The following PSME4 variants were observed in gnomAD, a reference collection of about 807,000 sequenced individuals.
PSME4 encodes the protein proteasome activator subunit 4, also known as proteasome activator complex subunit 4.
In PSME4, 89 loss-of-function variants were observed where a neutral mutation model predicts 253.9. The ratio of observed to expected loss-of-function variants is 0.35; its 90% CI spans 0.30 to 0.42. The LOEUF is 0.42. Among genes scored for constraint, PSME4 ranks in the 10% least tolerant of loss-of-function variants. The pLI is 1.00. For synonymous variants in PSME4, 851 were observed against 759.2 expected (o/e 1.12, Z -1.99); for missense variants, 2,014 against 2,195.2 (o/e 0.92, Z 1.65).
chr2:53,962,121 G>T lies in PSME4; in HGVS notation c.242+8422C>A, dbSNP rs149652559. 5.5e-3 allele frequency among the ~76,000 whole-genome samples: 838 copies of T among 152,324 alleles called. 9 individuals carry two copies. The highest frequency in any genetic ancestry group is 0.019 in the African/African-American group (797 of 41,560). ...CAAATATTTAGGCTAAATTGTGGGA[G>T]CTAAGAACATAAAGTACATTGATTT... On this transcript the variant is annotated intron_variant, in intron 1 of 46. Transcript: ENST00000404125.
At chr2:53,940,230 GA>G (rs1339492120) in intron 3 of PSME4, among the ~76,000 whole-genome samples, 1 of 151,742 alleles carries the variant, frequency 6.6e-6, no homozygotes, top group Non-Finnish European at 1.5e-5. Context: ...GAACTAAAGG[GA>G]AAAAAAGGTT....
At chr2:53,892,699 C>A in intron 36 of PSME4, 109 bp downstream of exon 36, 1 of 1,023,272 alleles carries the variant, frequency 9.8e-7, no homozygotes, top group Non-Finnish European at 1.4e-6. Context: ...TTTCATATCA[C>A]TGAAGATTTC....
intron 41 of PSME4, among the ~76,000 whole-genome samples, chr2:53,877,956 C>T (rs1679211538): frequency 6.6e-6 from 1 of 151,910 alleles, no homozygotes; most frequent in South Asian, 2.1e-4. Context: ...TATATGTTTC[C>T]ACCTGTTCTA....
At chr2:53,867,646 G>A (rs113757070) in intron 44 of PSME4, among the ~76,000 whole-genome samples, 185 of 148,962 alleles carry the variant, frequency 1.2e-3, no homozygotes, top group African/African-American at 4.4e-3. Context: ...CTCCAAGGAG[G>A]GCGATAGAGG....
intron 11 of PSME4, 65 bp downstream of exon 11, chr2:53,928,052 T>TGACTGTCTCCAAA: frequency 7.7e-7 from 1 of 1,302,920 alleles, no homozygotes; most frequent in East Asian, 2.3e-5. Flanking sequence ...TCCAACCTTT[T>TGACTGTCTCCAAA]GTCACTGAGA....
At chr2:53,931,771 G>C in intron 10 of PSME4, 64 bp downstream of exon 10, 1 of 1,519,040 alleles carries the variant, frequency 6.6e-7, no homozygotes, top group Non-Finnish European at 8.9e-7. Flanking sequence ...GGAGAAAAGA[G>C]AATCGAGCTG....
At chr2:53,927,201 T>A (rs1668595237) in intron 12 of PSME4, among the ~76,000 whole-genome samples, 193 bp downstream of exon 12, 2 of 152,224 alleles carry the variant, frequency 1.3e-5, no homozygotes. Flanking sequence ...ACAGCCTATT[T>A]TTGAGCCACC....
chr2:53,906,379 G>A (rs1385951280), intron 26 of PSME4, among the ~76,000 whole-genome samples: 1 of 152,186 alleles, frequency 6.6e-6, no homozygotes, highest in Non-Finnish European at 1.5e-5. Context: ...CAATTTGAAA[G>A]CTGTTTTCTA....
At chr2:53,894,472 A>G (rs1346034235) in intron 34 of PSME4, among the ~76,000 whole-genome samples, 2 of 152,114 alleles carry the variant, frequency 1.3e-5, no homozygotes, top group African/African-American at 4.8e-5. Flanking sequence ...AGGTTTTGCC[A>G]TGTTGCTCAG....
At position 53,908,583 on chromosome 2, in the gene PSME4, A is replaced by G; in HGVS notation, c.2630-18T>C. ...TATGTGGTCTATAATGGAAGAAAGAAAAGGATTTTGGTTAAAATATTTTGA... is the reference window on the plus strand; with the variant it reads ...TATGTGGTCTATAATGGAAGAAAGAGAAGGATTTTGGTTAAAATATTTTGA... On this transcript the variant is annotated intron_variant, in intron 22 of 46. Coordinates refer to ENST00000404125, the MANE Select transcript of PSME4 (RefSeq NM_014614.3). The G allele has an allele frequency of 6.3e-7, 1 of 1,577,826 alleles. No homozygotes were observed. The highest frequency in any genetic ancestry group is 1.9e-5 in the Admixed American group (1 of 51,652).
Position 53,927,816 on chromosome 2 carries a change from G to A in PSME4, c.1503+301C>T, listed in dbSNP as rs957995580. On this transcript the variant is annotated intron_variant, in intron 11 of 46. Coordinates refer to ENST00000404125, the MANE Select transcript of PSME4 (RefSeq NM_014614.3). The stretch of plus-strand genomic sequence containing the variant: ...ACGAAACCCAGCCAGGCATGGTGGC[G>A]TGTGCCTATAATCCCAGCTACCCAA... Among the ~76,000 whole-genome samples the A allele has an allele frequency of 3.3e-5, 5 of 151,990 alleles. No individual in the cohort carries two copies. In the South Asian group the frequency reaches 6.2e-4, roughly 19 times the overall value.
chr2:53,956,094 G>C lies in PSME4; in HGVS notation c.243-6811C>G, dbSNP rs567583434. Among the ~76,000 whole-genome samples the C allele has an allele frequency of 8.8e-4, 134 of 152,114 alleles. 1 individual carries two copies. Among genetic ancestry groups the C allele is most frequent in the Admixed American group, 3.1e-3 (48 of 15,286 alleles). On this transcript the variant is annotated intron_variant, in intron 1 of 46. Transcript: ENST00000404125. ...GCCCAGGAGCTTGAGACCAGCCTGG[G>C]CAACATAGCAAAACCACATCTCTAC...
intron 3 of PSME4, among the ~76,000 whole-genome samples, chr2:53,942,754 C>A (rs1296446929): frequency 6.6e-6 from 1 of 152,080 alleles, no homozygotes; most frequent in East Asian, 1.9e-4. Context: ...AACTTTTGTG[C>A]TTATTTTGCT....
intron 43 of PSME4, chr2:53,870,221 A>G (rs1371942258): frequency 6.6e-6 from 1 of 152,218 alleles, no homozygotes; most frequent in African/African-American, 2.4e-5. Flanking sequence ...GTATTCCTTC[A>G]AAAGGTTTCT....
At chr2:53,915,519 C>T (rs1263725045) in intron 20 of PSME4, among the ~76,000 whole-genome samples, 1 of 151,664 alleles carries the variant, frequency 6.6e-6, no homozygotes, top group African/African-American at 2.4e-5. Flanking sequence ...ATCACTTGAG[C>T]TCACAGACCA....
In PSME4 at chr2:53,876,716, C is replaced by CTTTTTTTTTTTTTTTTTTTTTTTTTTTT. The variant is rs10599430; in HGVS notation, c.4816-962_4816-961insAAAAAAAAAAAAAAAAAAAAAAAAAAAA. Among the ~76,000 whole-genome samples, 66 of 97,840 alleles carry CTTTTTTTTTTTTTTTTTTTTTTTTTTTT rather than the reference C, an allele frequency of 6.7e-4. 8 individuals carry two copies. Among genetic ancestry groups the CTTTTTTTTTTTTTTTTTTTTTTTTTTTT allele is most frequent in the East Asian group, 8.4e-4 (2 of 2,392 alleles). 64.2% of individuals were successfully genotyped at this position (97,840 alleles called of 152,430 possible). On this transcript the variant is annotated intron_variant, in intron 41 of 46. Transcript: ENST00000404125. The stretch of plus-strand genomic sequence containing the variant: ...TCTGATGGCTGTAGCCACTGTCATT[C>CTTTTTTTTTTTTTTTTTTTTTTTTTTTT]TTTTTTTTTTTTTTTTTTTTGAGAC...
chr2:53,890,026 G>T, intron 37 of PSME4, 78 bp downstream of exon 37: 1 of 1,110,090 alleles, frequency 9.0e-7, no homozygotes, highest in Non-Finnish European at 1.3e-6. Flanking sequence ...AGTGTTATGA[G>T]ATTTCACACA....
rs1204678801 is a variant in PSME4, at chr2:53,877,247, CAAAAAAAAAAAA to C, written c.4816-1504_4816-1493del. On this transcript the variant is annotated intron_variant, in intron 41 of 46. Transcript: ENST00000404125. ...ATAACAGAGCAAGATCCTGCCTCTACAAAAAAAAAAAAAAAAAAAAAAATTAGCTGGGCTTGG... is the reference window on the plus strand; with the variant it reads ...ATAACAGAGCAAGATCCTGCCTCTACAAAAAAAAAAATTAGCTGGGCTTGG... 4.8e-4 allele frequency among the ~76,000 whole-genome samples: 24 copies of C among 50,402 alleles called. No individual in the cohort carries two copies. The East Asian group carries it at 0.012, about 25-fold the overall frequency. 33.1% of individuals were successfully genotyped at this position (50,402 alleles called of 152,430 possible). A position where few individuals can be genotyped will look rare whatever the true frequency, so the allele number is the denominator to read the frequency against.
chr2:53,869,548 T>C lies in PSME4; in HGVS notation c.5101-10A>G, dbSNP rs756702513. ...CAGCCATTTCTCGAACCTGTAGATA[T>C]AATAATTTCTATTAGGACTGACATT... On this transcript the variant is annotated splice_polypyrimidine_tract_variant and intron_variant, in intron 43 of 46. Coordinates refer to ENST00000404125, the MANE Select transcript of PSME4 (RefSeq NM_014614.3). 3.0e-5 allele frequency: 45 copies of C among 1,483,562 alleles called. No individual in the cohort carries two copies. The highest frequency in any genetic ancestry group is 2.2e-5 in the Non-Finnish European group (24 of 1,096,504). 91.9% of individuals were successfully genotyped at this position (1,483,562 alleles called of 1,614,324 possible). A position where few individuals can be genotyped will look rare whatever the true frequency, so the allele number is the denominator to read the frequency against.
Sources: allele counts gnomAD v4.1 joint callset (sites outside exome capture counted in the v4.1 genomes callset), GRCh38; gene constraint gnomAD v4.1.1; transcripts MANE v1.5; gene names NCBI Gene and HGNC (gene_info 2026-07-23, HGNC 2026-07-21).